The following HELZ variants were observed in gnomAD, a reference collection of about 807,000 sequenced individuals.
The protein encoded by HELZ is ATP-dependent RNA helicase with zinc finger domain.
In HELZ, 23 loss-of-function variants were observed where a neutral mutation model predicts 218.2. The observed-to-expected ratio is 0.11, with a 90% confidence interval of 0.08 to 0.15. HELZ has a LOEUF of 0.15. Ranked by LOEUF, HELZ falls within the 10% of genes least tolerant of loss-of-function variation. The probability of loss-of-function intolerance (pLI) is 1.00; values close to 1 mark genes in which losing one functional copy is unlikely to be tolerated. For missense variants in HELZ, 1,813 were observed against 2,353.7 expected (o/e 0.77, Z 4.75); for synonymous variants, 814 against 829.4 (o/e 0.98, Z 0.32).
chr17:67,213,267 G>A (rs1342139675), intron 5 of HELZ, among the ~76,000 whole-genome samples: 2 of 152,166 alleles, frequency 1.3e-5, no homozygotes, highest in African/African-American at 2.4e-5. Flanking sequence ...ACAGATTACA[G>A]AGACTGGGCA....
Position 67,169,162 on chromosome 17 carries a change from G to A in HELZ, c.1431-1366C>T, listed in dbSNP as rs549685849. Among the ~76,000 whole-genome samples, 3 of 152,280 alleles carry A rather than the reference G, an allele frequency of 2.0e-5. No individual in the cohort carries two copies. The South Asian group carries it at 6.2e-4, about 32-fold the overall frequency. ...GTAAACTAATTAACAGTTCTCCTTTGCTGTTCTGAAATGGTGCTGTAAGAG... is the reference window on the plus strand; with the variant it reads ...GTAAACTAATTAACAGTTCTCCTTTACTGTTCTGAAATGGTGCTGTAAGAG... On this transcript the variant is annotated intron_variant, in intron 13 of 32. Coordinates refer to ENST00000358691, the MANE Select transcript of HELZ (RefSeq NM_014877.4).
At position 67,077,939 on chromosome 17, in the gene HELZ, T is replaced by C. The variant is rs953005434; in HGVS notation, c.*313A>G. On this transcript the variant is annotated 3_prime_UTR_variant, in exon 33 of 33. Transcript: ENST00000358691. ...ACATTTTAGACAAACTTTTCTTTTT[T>C]TTTTTTTTTTTATAGTTGCACAATT... The C allele has an allele frequency of 7.4e-5, 12 of 162,360 alleles. No individual in the cohort carries two copies. The highest frequency in any genetic ancestry group is 1.9e-4 in the Admixed American group (3 of 15,562). 10.1% of individuals were successfully genotyped at this position (162,360 alleles called of 1,614,324 possible).
At position 67,167,748 on chromosome 17, in the gene HELZ, A is replaced by C; in HGVS notation, c.1479T>G (p.Thr493=). The change falls in exon 14 of 33, where the codon ACT becomes ACG. Residue 493 remains threonine (T), a synonymous_variant. Coordinates refer to ENST00000358691, the MANE Select transcript of HELZ (RefSeq NM_014877.4). ...QLQILASFML[T]GVSGGAKYAQ... ...CATACTTTGCACCTCCAGAAACACC[A>C]GTGAGCATGAAGCTTGCCAGAATCT... 6.2e-6 allele frequency: 10 copies of C among 1,614,054 alleles called. No homozygotes were observed. Among genetic ancestry groups the C allele is most frequent in the Non-Finnish European group, 8.5e-6 (10 of 1,179,910 alleles).
chr17:67,108,743 G>C lies in HELZ; in HGVS notation c.4490-17C>G, dbSNP rs1030736470. ...GTATACGATCTGCAAAAATATTTGT[G>C]AAAAATTTTTTATGAATTTGGGGTT... On this transcript the variant is annotated splice_polypyrimidine_tract_variant and intron_variant, in intron 29 of 32. Transcript: ENST00000358691. This position sits in a 1 kb window ranked among gnomAD's most constrained non-coding sequence, Gnocchi z 4.1. 5 of 1,529,848 alleles carry C rather than the reference G, an allele frequency of 3.3e-6. No individual in the cohort carries two copies. In the East Asian group the frequency reaches 1.1e-4, roughly 35 times the overall value. The allele number at this position is 1,529,848 out of a possible 1,614,324, so 94.8% of individuals were successfully genotyped here.
intron 19 of HELZ, among the ~76,000 whole-genome samples, chr17:67,149,598 A>G (rs944661533): frequency 1.3e-4 from 20 of 152,232 alleles, no homozygotes; most frequent in Admixed American, 1.3e-3. Context: ...AAAAGTAAGA[A>G]TCAGATATTC....
intron 24 of HELZ, among the ~76,000 whole-genome samples, chr17:67,126,529 A>T (rs1481049817): frequency 6.6e-6 from 1 of 152,196 alleles, no homozygotes; most frequent in Non-Finnish European, 1.5e-5. Flanking sequence ...TAAAATATAC[A>T]GTGTTTGGTA....
chr17:67,236,052 A>G (rs573388510), intron 3 of HELZ, among the ~76,000 whole-genome samples: 33 of 151,914 alleles, frequency 2.2e-4, no homozygotes, highest in Middle Eastern at 3.4e-3. Flanking sequence ...GAGCCACTGC[A>G]CCCAGCCTCG....
intron 12 of HELZ, among the ~76,000 whole-genome samples, chr17:67,181,601 A>G (rs1248218510): frequency 1.3e-5 from 2 of 152,238 alleles, no homozygotes; most frequent in African/African-American, 4.8e-5. Flanking sequence ...GTAGCACAGT[A>G]ATTTCAAAAC....
At chr17:67,181,474 C>A (rs1598382748) in intron 12 of HELZ, among the ~76,000 whole-genome samples, 1 of 152,120 alleles carries the variant, frequency 6.6e-6, no homozygotes, top group Admixed American at 6.5e-5. Flanking sequence ...TGATTCCCAC[C>A]TGGATTTTAT....
chr17:67,204,757 C>T (rs2040254084), intron 5 of HELZ, among the ~76,000 whole-genome samples: 1 of 151,940 alleles, frequency 6.6e-6, no homozygotes, highest in African/African-American at 2.4e-5. Context: ...TTACAGATCA[C>T]TCATCTATTC....
chr17:67,219,041 T>C (rs1483568876), intron 3 of HELZ, among the ~76,000 whole-genome samples: 1 of 152,182 alleles, frequency 6.6e-6, no homozygotes, highest in Non-Finnish European at 1.5e-5. Flanking sequence ...AAAATGTCAA[T>C]CATAAGCCAG....
Position 67,149,896 on chromosome 17 carries a change from G to T in HELZ, c.2446C>A (p.Arg816=), listed in dbSNP as rs766000397. 2.5e-6 allele frequency: 4 copies of T among 1,609,436 alleles called. No individual in the cohort carries two copies. In the South Asian group the frequency reaches 4.4e-5, roughly 18 times the overall value. Residue 816 remains arginine, a synonymous_variant, in exon 19 of 33, where the codon CGG becomes AGG. Coordinates refer to ENST00000358691, the MANE Select transcript of HELZ (RefSeq NM_014877.4). ...MPLALATQNT[R]IVLAGDHMQL... Reference sequence around the variant, plus strand: ...ATGTGATCACCAGCCAAGACAATCCGAGTGTTTTGAGTTGCTAATGCTAGA... The same window carrying T: ...ATGTGATCACCAGCCAAGACAATCCTAGTGTTTTGAGTTGCTAATGCTAGA...
intron 12 of HELZ, among the ~76,000 whole-genome samples, chr17:67,183,365 CT>C (rs2039663974): frequency 6.6e-6 from 1 of 152,158 alleles, no homozygotes; most frequent in Non-Finnish European, 1.5e-5. Context: ...ATACCTCATG[CT>C]TTTTACATAC....
chr17:67,200,303 G>A (rs1598411415), intron 7 of HELZ, among the ~76,000 whole-genome samples: 1 of 152,138 alleles, frequency 6.6e-6, no homozygotes, highest in Admixed American at 6.6e-5. Flanking sequence ...TGTTGTCCCT[G>A]ACCTTCCATG....
chr17:67,169,329 G>A (rs1206977279), intron 13 of HELZ, among the ~76,000 whole-genome samples: 2 of 152,152 alleles, frequency 1.3e-5, no homozygotes, highest in Non-Finnish European at 2.9e-5. Context: ...CAGCTCTGGA[G>A]AATAGAAAGT....
intron 16 of HELZ, 52 bp from the exon 17 acceptor site, chr17:67,160,414 C>T: frequency 7.9e-7 from 1 of 1,266,496 alleles, no homozygotes. Flanking sequence ...CAAAACTATT[C>T]AAGCAGTATA....
At chr17:67,139,752 C>A (rs530334201) in intron 21 of HELZ, among the ~76,000 whole-genome samples, 2 of 152,314 alleles carry the variant, frequency 1.3e-5, no homozygotes, top group African/African-American at 4.8e-5. Context: ...CTTTCCCCCA[C>A]AGCTCTTACA....
intron 13 of HELZ, among the ~76,000 whole-genome samples, chr17:67,170,153 A>C (rs1253717409): frequency 6.6e-6 from 1 of 152,122 alleles, no homozygotes; most frequent in African/African-American, 2.4e-5. Context: ...AGAGCTGCAT[A>C]ATGCTGACCC....
At position 67,195,406 on chromosome 17, in the gene HELZ, AT is replaced by A. The variant is rs1455454670; in HGVS notation, c.481+12del. ...TCACAGCTACCAGAAGTTACACAGC[AT>A]TTGGCACTTACCCTCATCTAAGTCT... On this transcript the variant is annotated intron_variant, in intron 8 of 32. Coordinates refer to ENST00000358691, the MANE Select transcript of HELZ (RefSeq NM_014877.4). The A allele has an allele frequency of 3.9e-6, 6 of 1,552,972 alleles. No homozygotes were observed. The highest frequency in any genetic ancestry group is 2.7e-5 in the African/African-American group (2 of 73,672).
Sources: allele counts gnomAD v4.1 joint callset (sites outside exome capture counted in the v4.1 genomes callset), GRCh38; gene constraint gnomAD v4.1.1; non-coding constraint Gnocchi (gnomAD v3.1); transcripts MANE v1.5; gene names NCBI Gene and HGNC (gene_info 2026-07-23, HGNC 2026-07-21).